Variants in TUBGCP5 observed in about 807,000 individuals in gnomAD.
TUBGCP5 encodes the protein tubulin gamma complex component 5.
In TUBGCP5, 98 loss-of-function variants were observed where a neutral mutation model predicts 134.7. The ratio of observed to expected loss-of-function variants is 0.73; its 90% confidence interval spans 0.62 to 0.86. TUBGCP5 has a LOEUF of 0.86. Among genes scored for constraint, TUBGCP5 ranks in the 40% least tolerant of loss-of-function variants. The pLI, the probability that TUBGCP5 is intolerant of heterozygous loss-of-function variation, is 0.00. For missense variants in TUBGCP5, 1,150 were observed against 1,244.8 expected, an observed-to-expected ratio of 0.92 and a Z score of 1.15; for synonymous variants, 456 against 431.4, an observed-to-expected ratio of 1.06 and a Z score of -0.71.
At position 23,017,933 on chromosome 15, in the gene TUBGCP5, A is replaced by G; in HGVS notation, c.1596T>C (p.Ser532=). 6.2e-7 allele frequency: 1 copy of G among 1,614,216 alleles called. No homozygotes were observed. Among genetic ancestry groups the G allele is most frequent in the Non-Finnish European group, 8.5e-7 (1 of 1,180,030 alleles). The part of the protein sequence containing the change: ...ENEEKMSDNA[S]ASSGSDQGPS... The stretch of plus-strand genomic sequence containing the variant: ...GCCCCTGGTCACTGCCGGAACTCGC[A>G]CTAGCGTTATCACTCATTTTTTCTT... The change falls in exon 13 of 23, where the codon AGT becomes AGC. Residue 532 remains serine (S), a synonymous_variant. Transcript: ENST00000615383.
At chr15:23,018,169 G>A (rs937510854) in intron 12 of TUBGCP5, 128 bp from the exon 13 acceptor site, 27 of 859,578 alleles carry the variant, frequency 3.1e-5, no homozygotes, top group Non-Finnish European at 4.4e-5. Flanking sequence ...CAAACTTTAG[G>A]CAAAATGGGA....
chr15:22,996,721 C>T (rs1369823822), downstream of TUBGCP5: 1 of 152,194 alleles, frequency 6.6e-6, no homozygotes, highest in Admixed American at 6.5e-5. Flanking sequence ...CTCCTGGCCT[C>T]AAGTGATCGG....
Position 23,030,973 on chromosome 15 carries a change from G to A in TUBGCP5, c.534C>T (p.Ser178=). Residue 178 remains serine (S), a synonymous_variant, in exon 6 of 23, where the codon AGC becomes AGT. Coordinates refer to ENST00000615383, the MANE Select transcript of TUBGCP5 (RefSeq NM_052903.6). The stretch of plus-strand genomic sequence containing the variant: ...CTACCTGAATTCCAGAGTCCTCTCT[G>A]CTTAAGGGCTGTTGATCATTTTCCT... The part of the protein sequence containing the change: ...SEEENDQQPL[S]REDSGIQVDR... 6.2e-7 allele frequency: 1 copy of A among 1,613,234 alleles called. No individual in the cohort carries two copies. Among genetic ancestry groups the A allele is most frequent in the Non-Finnish European group, 8.5e-7 (1 of 1,179,756 alleles).
At chr15:23,000,766 T>A in intron 21 of TUBGCP5, 97 bp from the exon 22 acceptor site, 2 of 890,556 alleles carry the variant, frequency 2.2e-6, no homozygotes, top group Non-Finnish European at 3.3e-6. Context: ...TATTTTGGTT[T>A]AATTATTTAA....
chr15:23,001,046 G>C (rs2064341680), intron 21 of TUBGCP5, among the ~76,000 whole-genome samples: 1 of 151,784 alleles, frequency 6.6e-6, no homozygotes, highest in Non-Finnish European at 1.5e-5. Flanking sequence ...TTTTAAAAAG[G>C]TTTTTTTTCT....
chr15:23,030,721 C>T (rs2066260036), intron 6 of TUBGCP5, among the ~76,000 whole-genome samples, 164 bp downstream of exon 6: 1 of 151,862 alleles, frequency 6.6e-6, no homozygotes, highest in Non-Finnish European at 1.5e-5. Context: ...AGTACTACTA[C>T]TTAAGCATCA....
intron 3 of TUBGCP5, among the ~76,000 whole-genome samples, chr15:23,033,310 C>T (rs966492317): frequency 5.3e-5 from 8 of 151,940 alleles, no homozygotes; most frequent in Non-Finnish European, 1.0e-4. Context: ...TGGATTTTCG[C>T]TCTGTCGCCC....
intron 8 of TUBGCP5, among the ~76,000 whole-genome samples, chr15:23,025,830 CAAAAA>C: frequency 1.6e-5 from 1 of 62,286 alleles, no homozygotes; most frequent in Non-Finnish European, 3.5e-5. Flanking sequence ...GACTCCGTCT[CAAAAA>C]AAAAAAAAAA....
At chr15:22,991,149 G>A (rs1012661404) in intron 23 of TUBGCP5, among the ~76,000 whole-genome samples, 5 of 151,466 alleles carry the variant, frequency 3.3e-5, no homozygotes, top group Non-Finnish European at 4.4e-5. Flanking sequence ...CCAGGCTGGA[G>A]TGCAGTGGCG....
chr15:23,017,502 T>C (rs2065403653), intron 13 of TUBGCP5, among the ~76,000 whole-genome samples: 1 of 152,124 alleles, frequency 6.6e-6, no homozygotes, highest in Non-Finnish European at 1.5e-5. Context: ...TTTTTAAAGT[T>C]CCAGTCCTAA....
chr15:23,029,110 T>A (rs2066146889), intron 6 of TUBGCP5, among the ~76,000 whole-genome samples: 1 of 152,170 alleles, frequency 6.6e-6, no homozygotes, highest in African/African-American at 2.4e-5. Flanking sequence ...TAGTAAAAGA[T>A]AAAAAATTAC....
chr15:22,984,147 TA>T (rs2063612831), intron 23 of TUBGCP5, among the ~76,000 whole-genome samples: 1 of 151,540 alleles, frequency 6.6e-6, no homozygotes, highest in African/African-American at 2.4e-5. Flanking sequence ...TAAAATAAAA[TA>T]AAATAAATAA....
chr15:22,983,322 G>C (rs565386952), exon 24 of TUBGCP5: 7 of 149,534 alleles, frequency 4.7e-5, no homozygotes, highest in Non-Finnish European at 1.0e-4. Flanking sequence ...ATTATTTACA[G>C]TAGTTCCCAC....
Position 23,032,148 on chromosome 15 carries a change from A to G in TUBGCP5, c.407-119T>C, listed in dbSNP as rs183575409. 6 of 626,556 alleles carry G rather than the reference A, an allele frequency of 9.6e-6. No homozygotes were observed. The Admixed American group carries it at 1.8e-4, about 19-fold the overall frequency. The allele number at this position is 626,556 out of a possible 1,614,324, so 38.8% of individuals were successfully genotyped here. A position where few individuals can be genotyped will look rare whatever the true frequency, so the allele number is the denominator to read the frequency against. On this transcript the variant is annotated intron_variant, in intron 4 of 22. Transcript: ENST00000615383. ...ATACTCAGGAAATAAAAATTTAAAA[A>G]TATTGAAACATTTAATAAATTGATA...
At position 23,013,512 on chromosome 15, in the gene TUBGCP5, T is replaced by C. The variant is rs542803262; in HGVS notation, c.1757-2181A>G. On this transcript the variant is annotated intron_variant, in intron 13 of 22. Coordinates refer to ENST00000615383, the MANE Select transcript of TUBGCP5 (RefSeq NM_052903.6). This position sits in a 1 kb window ranked among gnomAD's most constrained non-coding sequence, Gnocchi z 4.5. ...AGTGCAGAGGGGGAATGTGACACAG[T>C]GTTGGTGACTGGAGGCCCAGGAGGG... Among the ~76,000 whole-genome samples, 2 of 151,076 alleles carry C rather than the reference T, an allele frequency of 1.3e-5. No individual in the cohort carries two copies. Among genetic ancestry groups the C allele is most frequent in the South Asian group, 4.2e-4 (2 of 4,784 alleles).
At chr15:23,009,850 T>G (rs555021462) in intron 15 of TUBGCP5, 95 bp downstream of exon 15, 3 of 1,144,510 alleles carry the variant, frequency 2.6e-6, no homozygotes. Context: ...CATTTCCTAC[T>G]CTAATAAAAA....
rs376024134 is a variant in TUBGCP5 at position 23,027,297 on chromosome 15, T to C, written c.632A>G (p.Asp211Gly). The change falls in exon 7 of 23, where the codon GAT becomes GGT. Residue 211 changes from aspartate to glycine, a missense_variant. Coordinates refer to ENST00000615383, the MANE Select transcript of TUBGCP5 (RefSeq NM_052903.6). ...DPCISWKDEPDDRSWLEHHVV... is the reference protein window; with the variant it reads ...DPCISWKDEPGDRSWLEHHVV... Reference sequence around the variant, plus strand: ...ATGATGTTCCAGCCAGCTTCGGTCATCTGGCTCATCTGCTTGAAAGAAATG... The same window carrying C: ...ATGATGTTCCAGCCAGCTTCGGTCACCTGGCTCATCTGCTTGAAAGAAATG... The C allele has an allele frequency of 1.9e-6, 3 of 1,613,504 alleles. No individual in the cohort carries two copies. The highest frequency in any genetic ancestry group is 1.7e-5 in the Admixed American group (1 of 59,932).
At chr15:23,033,452 T>C (rs748143785) in intron 3 of TUBGCP5, among the ~76,000 whole-genome samples, 2 of 152,150 alleles carry the variant, frequency 1.3e-5, no homozygotes, top group Non-Finnish European at 2.9e-5. Context: ...GTAACTTTTG[T>C]ATTTTTAGTA....
intron 11 of TUBGCP5, 45 bp downstream of exon 11, chr15:23,021,914 C>A (rs746245134): frequency 6.4e-7 from 1 of 1,562,028 alleles, no homozygotes; most frequent in South Asian, 1.1e-5. Flanking sequence ...CACTCCTCTG[C>A]TGTGCAGCAT....
Sources: gnomAD v4.1 joint callset for allele counts (sites outside exome capture counted in the v4.1 genomes callset) on GRCh38, gnomAD v4.1.1 for gene constraint, Gnocchi (gnomAD v3.1) non-coding constraint, MANE v1.5 for transcripts, NCBI Gene and HGNC (gene_info 2026-07-23, HGNC 2026-07-21) for gene names.